The following CCDC170 variants were observed in gnomAD, a reference collection of about 807,000 sequenced individuals.
CCDC170 encodes coiled-coil domain containing 170.
Under a neutral mutation model 72.6 loss-of-function variants are expected in CCDC170, and 69 were observed. The ratio of observed to expected loss-of-function variants is 0.95; its 90% CI spans 0.78 to 1.16. The LOEUF is 1.16. Ranked by LOEUF, CCDC170 falls within the 50% of genes most tolerant of loss-of-function variation. The pLI is 0.00. For missense variants in CCDC170, 852 were observed against 832.5 expected, an observed-to-expected ratio of 1.02 and a Z score of -0.29; for synonymous variants, 300 against 303.9, an observed-to-expected ratio of 0.99 and a Z score of 0.13.
chr6:151,617,838 C>A, intron 10 of CCDC170, 109 bp from the exon 11 acceptor site: 1 of 963,018 alleles, frequency 1.0e-6, no homozygotes, highest in Non-Finnish European at 1.5e-6. Context: ...AATTTCCCTA[C>A]CTCATGCAAA....
intron 1 of CCDC170, among the ~76,000 whole-genome samples, chr6:151,533,485 T>C (rs1422798570): frequency 6.6e-6 from 1 of 151,810 alleles, no homozygotes; most frequent in Non-Finnish European, 1.5e-5. Flanking sequence ...CTGACCAACA[T>C]GGAGAAACCC....
chr6:151,615,944 C>T (rs904826627), intron 10 of CCDC170: 1 of 323,988 alleles, frequency 3.1e-6, no homozygotes, highest in South Asian at 5.2e-5. Flanking sequence ...TATCCACCTG[C>T]CCCTCCAGCA....
intron 1 of CCDC170, among the ~76,000 whole-genome samples, chr6:151,495,937 C>T (rs1365700263): frequency 6.6e-6 from 1 of 152,192 alleles, no homozygotes; most frequent in Non-Finnish European, 1.5e-5. Context: ...CCTACTAAAA[C>T]TTTGCCACTT....
chr6:151,592,586 TACTC>T (rs1188117464), intron 7 of CCDC170, among the ~76,000 whole-genome samples: 1 of 152,120 alleles, frequency 6.6e-6, no homozygotes, highest in African/African-American at 2.4e-5. Context: ...TCGTGAGACT[TACTC>T]ACTACCATGA....
intron 9 of CCDC170, among the ~76,000 whole-genome samples, chr6:151,601,866 T>C (rs1389209462): frequency 4.6e-5 from 7 of 152,226 alleles, no homozygotes; most frequent in Non-Finnish European, 8.8e-5. Flanking sequence ...TGACCAAGTA[T>C]CTGGGCATGA....
chr6:151,594,929 G>A (rs58893329), intron 8 of CCDC170, among the ~76,000 whole-genome samples: 10,959 of 152,216 alleles, frequency 0.072, 546 homozygotes, highest in East Asian at 0.29. Context: ...GGAATTACAG[G>A]CATGAGCCAC....
chr6:151,523,630 G>A lies in CCDC170; in HGVS notation c.58-12688G>A, dbSNP rs552020075. Reference sequence around the variant, plus strand: ...GAACCCAGGAGGTGGAGGTTGCAGTGAGCTGAGATTGTGCTGTTGTACTAC... The same window carrying A: ...GAACCCAGGAGGTGGAGGTTGCAGTAAGCTGAGATTGTGCTGTTGTACTAC... On this transcript the variant is annotated intron_variant, in intron 1 of 10. Coordinates refer to ENST00000239374, the MANE Select transcript of CCDC170 (RefSeq NM_025059.4). Among the ~76,000 whole-genome samples, 235 of 151,428 alleles carry A rather than the reference G, an allele frequency of 1.6e-3. 1 individual carries two copies. Among genetic ancestry groups the A allele is most frequent in the African/African-American group, 5.5e-3 (225 of 41,208 alleles).
At chr6:151,568,693 C>A (rs1407935841) in intron 5 of CCDC170, among the ~76,000 whole-genome samples, 1 of 152,120 alleles carries the variant, frequency 6.6e-6, no homozygotes, top group Non-Finnish European at 1.5e-5. Flanking sequence ...TGTATAGATG[C>A]ACTATTAAAC....
chr6:151,524,625 A>G (rs1355312424), intron 1 of CCDC170, among the ~76,000 whole-genome samples: 1 of 152,200 alleles, frequency 6.6e-6, no homozygotes, highest in Non-Finnish European at 1.5e-5. Context: ...AAATTAGAAC[A>G]TTACAAATGA....
In CCDC170 at chr6:151,609,596, C is replaced by T. The variant is rs543743011; in HGVS notation, c.1711-5847C>T. Among the ~76,000 whole-genome samples, 11 of 152,300 alleles carry T rather than the reference C, an allele frequency of 7.2e-5. No individual in the cohort carries two copies. In the South Asian group the frequency reaches 2.1e-3, roughly 29 times the overall value. On this transcript the variant is annotated intron_variant, in intron 9 of 10. Coordinates refer to ENST00000239374, the MANE Select transcript of CCDC170 (RefSeq NM_025059.4). ...TCTGCCCTTGCTAGAGTCTGAGTGG[C>T]ACATCAATCTTGTTTATGACCAGTT...
chr6:151,527,184 A>G (rs913468016), intron 1 of CCDC170, among the ~76,000 whole-genome samples: 1 of 150,642 alleles, frequency 6.6e-6, no homozygotes, highest in East Asian at 2.0e-4. Flanking sequence ...GGTGTGAGCC[A>G]TCGAGCTTAG....
intron 5 of CCDC170, among the ~76,000 whole-genome samples, chr6:151,563,219 A>C (rs1388563735): frequency 1.3e-5 from 2 of 152,184 alleles, no homozygotes; most frequent in Non-Finnish European, 2.9e-5. Context: ...GCTGCTGTGA[A>C]GAGCACAAAA....
chr6:151,562,254 A>G (rs1776045582), intron 5 of CCDC170, among the ~76,000 whole-genome samples: 1 of 152,182 alleles, frequency 6.6e-6, no homozygotes, highest in African/African-American at 2.4e-5. Flanking sequence ...ATCGTGAGAG[A>G]GCTAGTGCAA....
chr6:151,589,045 G>C (rs1417563720), intron 7 of CCDC170, among the ~76,000 whole-genome samples: 1 of 152,122 alleles, frequency 6.6e-6, no homozygotes, highest in Non-Finnish European at 1.5e-5. Context: ...CTTGAGGTCA[G>C]AAGTTCAAGA....
At chr6:151,616,075 G>A (rs1443733191) in intron 10 of CCDC170, among the ~76,000 whole-genome samples, 2 of 152,074 alleles carry the variant, frequency 1.3e-5, no homozygotes, top group African/African-American at 4.8e-5. Flanking sequence ...AAGGGTTTTG[G>A]TGAAAAAACA....
chr6:151,564,451 GT>G (rs1222687756), intron 5 of CCDC170, among the ~76,000 whole-genome samples: 1 of 152,150 alleles, frequency 6.6e-6, no homozygotes, highest in Non-Finnish European at 1.5e-5. Flanking sequence ...GCTGGCACTG[GT>G]CTTAGCAGGT....
At chr6:151,616,845 G>A (rs550349512) in intron 10 of CCDC170, among the ~76,000 whole-genome samples, 14 of 152,212 alleles carry the variant, frequency 9.2e-5, no homozygotes, top group East Asian at 1.9e-4. Flanking sequence ...GCTCTCCGGG[G>A]CCTCTTTTAT....
chr6:151,617,255 C>A (rs2115151673), intron 10 of CCDC170, among the ~76,000 whole-genome samples: 1 of 152,284 alleles, frequency 6.6e-6, no homozygotes, highest in East Asian at 1.9e-4. Context: ...CCATTGTCCC[C>A]AGCCCCTACT....
intron 1 of CCDC170, among the ~76,000 whole-genome samples, chr6:151,504,458 A>G (rs1782038853): frequency 6.6e-6 from 1 of 151,686 alleles, no homozygotes; most frequent in South Asian, 2.1e-4. Context: ...AATTGGTAAT[A>G]AATAAAATTT....
Sources: gnomAD v4.1 joint callset for allele counts (sites outside exome capture counted in the v4.1 genomes callset) on GRCh38, gnomAD v4.1.1 for gene constraint, MANE v1.5 for transcripts, NCBI Gene and HGNC (gene_info 2026-07-23, HGNC 2026-07-21) for gene names.